VLDLR: variants seen among roughly 807,000 people sequenced by gnomAD.
VLDLR encodes the protein very low density lipoprotein receptor.
In VLDLR, 81 loss-of-function variants were observed where a neutral mutation model predicts 112.7. The observed-to-expected ratio is 0.72, with a 90% confidence interval of 0.60 to 0.86. The LOEUF is 0.86. VLDLR is among the 40% of genes least tolerant of loss of function. The pLI is 0.00. For synonymous variants in VLDLR, 436 were observed against 384.8 expected, an observed-to-expected ratio of 1.13 and a Z score of -1.56; for missense variants, 1,237 against 1,099.4, an observed-to-expected ratio of 1.13 and a Z score of -1.77.
intron 17 of VLDLR, 48 bp downstream of exon 17, chr9:2,652,002 A>G: frequency 1.3e-6 from 2 of 1,587,092 alleles, no homozygotes; most frequent in Non-Finnish European, 1.7e-6. Context: ...CTTAGATACC[A>G]GATGAAGATT....
chr9:2,643,885 G>C lies in VLDLR; in HGVS notation c.992G>C (p.Cys331Ser). Residue 331 changes from cysteine to serine, a missense_variant, in exon 7 of 19, where the codon TGC becomes TCC. Transcript: ENST00000382100. ...AAATTCAAGTGCAGAAGTGGAGAAT[G>C]CATAGATATCAGCAAAGTATGTAAC... ...PGKFKCRSGE[C>S]IDISKVCNQE... The C allele has an allele frequency of 6.2e-7, 1 of 1,614,176 alleles. No individual in the cohort carries two copies. The highest frequency in any genetic ancestry group is 8.5e-7 in the Non-Finnish European group (1 of 1,180,026).
At chr9:2,631,855 A>G (rs1817364589) in intron 1 of VLDLR, among the ~76,000 whole-genome samples, 1 of 152,224 alleles carries the variant, frequency 6.6e-6, no homozygotes, top group South Asian at 2.1e-4. Context: ...ATAAATTTAT[A>G]CAAACACCAC....
chr9:2,645,453 T>C (rs774598688), intron 9 of VLDLR, 121 bp from the exon 10 acceptor site: 98 of 1,232,858 alleles, frequency 7.9e-5, no homozygotes, highest in Non-Finnish European at 1.1e-4. Flanking sequence ...CCAGAACAGA[T>C]ACTACTGAGG....
chr9:2,633,819 AT>A (rs1451447222), intron 1 of VLDLR, among the ~76,000 whole-genome samples: 3 of 152,160 alleles, frequency 2.0e-5, no homozygotes, highest in African/African-American at 7.2e-5. Flanking sequence ...CATTGAGAAT[AT>A]TGCAAACATA....
chr9:2,625,121 A>G (rs1269143616), intron 1 of VLDLR, among the ~76,000 whole-genome samples: 1 of 152,246 alleles, frequency 6.6e-6, no homozygotes, highest in Non-Finnish European at 1.5e-5. Context: ...ACCTGATCCA[A>G]GTGTCTCTAC....
At chr9:2,650,271 C>T in intron 14 of VLDLR, 99 bp from the exon 15 acceptor site, 1 of 1,507,914 alleles carries the variant, frequency 6.6e-7, no homozygotes, top group Non-Finnish European at 9.1e-7. Flanking sequence ...AGTTTAAGCT[C>T]TTGGGGGCAA....
At chr9:2,642,442 A>C (rs890225844) in intron 4 of VLDLR, among the ~76,000 whole-genome samples, 4 of 152,200 alleles carry the variant, frequency 2.6e-5, no homozygotes, top group African/African-American at 9.7e-5. Context: ...GGTGCTGCCA[A>C]GTGTTTCCCT....
chr9:2,652,408 A>C (rs1818391185), intron 17 of VLDLR, among the ~76,000 whole-genome samples: 1 of 152,206 alleles, frequency 6.6e-6, no homozygotes, highest in African/African-American at 2.4e-5. Context: ...AGACACGCAA[A>C]TTCTAAGGAC....
At chr9:2,653,123 C>T (rs567437415) in intron 18 of VLDLR, among the ~76,000 whole-genome samples, 174 bp downstream of exon 18, 1 of 152,288 alleles carries the variant, frequency 6.6e-6, no homozygotes, top group South Asian at 2.1e-4. Flanking sequence ...CTCAGTTGAT[C>T]AGCATCTAAC....
chr9:2,638,516 A>C (rs1407550674), intron 2 of VLDLR, among the ~76,000 whole-genome samples: 1 of 151,628 alleles, frequency 6.6e-6, no homozygotes, highest in Non-Finnish European at 1.5e-5. Flanking sequence ...GTATAAGCAT[A>C]TAGGCAAGAA....
At chr9:2,637,868 G>A (rs1030941980) in intron 2 of VLDLR, among the ~76,000 whole-genome samples, 13 of 152,110 alleles carry the variant, frequency 8.5e-5, no homozygotes, top group African/African-American at 1.4e-4. Context: ...GCGTGAACCC[G>A]GGAGGCGGAG....
rs1818716229 is a variant in VLDLR at position 2,659,226 on chromosome 9, C to A, written c.*5358C>A. On this transcript the variant is annotated 3_prime_UTR_variant, in exon 19 of 19. Transcript: ENST00000382100. ...TACAAACAATCTATGGTTCCAAATC[C>A]TATGTGCTTACTGCCGTCTTCTCTT... 1 of 152,220 alleles carries A rather than the reference C, an allele frequency of 6.6e-6. No individual in the cohort carries two copies. The highest frequency in any genetic ancestry group is 6.5e-5 in the Admixed American group (1 of 15,282). The allele number at this position is 152,220 out of a possible 1,614,324, so 9.4% of individuals were successfully genotyped here.
At chr9:2,641,301 C>A in intron 3 of VLDLR, 76 bp from the exon 4 acceptor site, 1 of 1,608,828 alleles carries the variant, frequency 6.2e-7, no homozygotes. Context: ...GGTATTAGCG[C>A]TTCCAGGCAG....
At chr9:2,639,396 A>G (rs965519086) in intron 2 of VLDLR, among the ~76,000 whole-genome samples, 1 of 152,280 alleles carries the variant, frequency 6.6e-6, no homozygotes, top group Admixed American at 6.5e-5. Flanking sequence ...ACATCATGTT[A>G]GGGGTTAGGA....
chr9:2,622,359 C>A, intron 1 of VLDLR, 88 bp downstream of exon 1: 2 of 1,224,064 alleles, frequency 1.6e-6, no homozygotes, highest in South Asian at 3.8e-5. Context: ...TTTGCCCACC[C>A]GCCTCCTAGG....
chr9:2,633,718 C>A (rs1165610310), intron 1 of VLDLR, among the ~76,000 whole-genome samples: 1 of 152,138 alleles, frequency 6.6e-6, no homozygotes, highest in Non-Finnish European at 1.5e-5. Flanking sequence ...ACAAATCATT[C>A]TTTTCCTGAT....
Position 2,659,109 on chromosome 9 carries a change from T to C in VLDLR, c.*5241T>C, listed in dbSNP as rs1818710808. 6.6e-6 allele frequency: 1 copy of C among 152,238 alleles called. No individual in the cohort carries two copies. The highest frequency in any genetic ancestry group is 6.5e-5 in the Admixed American group (1 of 15,286). The allele number at this position is 152,238 out of a possible 1,614,324, so 9.4% of individuals were successfully genotyped here. On this transcript the variant is annotated 3_prime_UTR_variant, in exon 19 of 19. Coordinates refer to ENST00000382100, the MANE Select transcript of VLDLR (RefSeq NM_003383.5). ...CTTTAAATTCTTACCATATGCTTAC[T>C]TTTGTACTAAGTAAGTGCTCCCAAG...
At position 2,644,801 on chromosome 9, in the gene VLDLR, C is replaced by T. The variant is rs757143381; in HGVS notation, c.1134C>T (p.Tyr378=). Residue 378 remains tyrosine, a synonymous_variant, in exon 8 of 19, where the codon TAC becomes TAT. Coordinates refer to ENST00000382100, the MANE Select transcript of VLDLR (RefSeq NM_003383.5). The stretch of plus-strand genomic sequence containing the variant: ...TCTGCAAAGACCTAGTTATAGGCTA[C>T]GAGTGTGACTGTGCAGCTGGGTTTG... ...SHICKDLVIG[Y]ECDCAAGFEL... is the part of the protein sequence containing the mutation. The T allele has an allele frequency of 1.7e-5, 28 of 1,614,004 alleles. No individual in the cohort carries two copies. The highest frequency in any genetic ancestry group is 5.5e-5 in the South Asian group (5 of 91,086).
At chr9:2,631,086 G>A (rs1189314373) in intron 1 of VLDLR, among the ~76,000 whole-genome samples, 1 of 152,160 alleles carries the variant, frequency 6.6e-6, no homozygotes, top group Non-Finnish European at 1.5e-5. Flanking sequence ...CTAATCATTA[G>A]AGAAATGCAA....
Sources: gnomAD v4.1 joint callset for allele counts (sites outside exome capture counted in the v4.1 genomes callset) on GRCh38, gnomAD v4.1.1 for gene constraint, MANE v1.5 for transcripts, NCBI Gene and HGNC (gene_info 2026-07-23, HGNC 2026-07-21) for gene names.